Variants in CADM2 observed in about 807,000 individuals in gnomAD.
The protein encoded by CADM2 is cell adhesion molecule 2, also known as immunoglobulin superfamily member 4D.
A neutral mutation model predicts 49.8 loss-of-function variants in CADM2; 12 were observed. That is an observed-to-expected ratio of 0.24 (90% CI 0.15 to 0.39). CADM2 has a LOEUF of 0.39. Among genes scored for constraint, CADM2 ranks in the 10% least tolerant of loss-of-function variants. The pLI is 1.00. For missense variants in CADM2, 378 were observed against 492.3 expected, an observed-to-expected ratio of 0.77 and a Z score of 2.20; for synonymous variants, 214 against 175.4, an observed-to-expected ratio of 1.22 and a Z score of -1.74.
intron 1 of CADM2, among the ~76,000 whole-genome samples, chr3:85,564,101 T>A (rs920361735): frequency 1.3e-5 from 2 of 152,038 alleles, no homozygotes; most frequent in Non-Finnish European, 1.5e-5. Context: ...CTTAGCTTGG[T>A]TCTAAAAATT....
intron 3 of CADM2, among the ~76,000 whole-genome samples, chr3:85,803,500 A>ATAAATAGATAGATAG (rs2072191944): frequency 1.3e-5 from 2 of 149,422 alleles, no homozygotes; most frequent in Admixed American, 6.7e-5. Flanking sequence ...TAGATAGATA[A>ATAAATAGATAGATAG]ATAGATAGAT....
chr3:85,269,003 T>C (rs1441921183), intron 1 of CADM2, among the ~76,000 whole-genome samples: 1 of 151,266 alleles, frequency 6.6e-6, no homozygotes, highest in African/African-American at 2.4e-5. Context: ...ATTTAGAAAA[T>C]AAACAACAGA....
intron 1 of CADM2, among the ~76,000 whole-genome samples, chr3:85,446,812 C>T (rs567159482): frequency 1.1e-4 from 17 of 149,026 alleles, no homozygotes; most frequent in South Asian, 4.2e-4. Context: ...ATGTTGGTCA[C>T]GCTGGTCTCG....
At chr3:85,970,368 T>C (rs901656213) in intron 8 of CADM2, among the ~76,000 whole-genome samples, 9 of 151,174 alleles carry the variant, frequency 6.0e-5, no homozygotes, top group African/African-American at 2.2e-4. Context: ...GTGATAGGAG[T>C]GGATATTAAA....
At chr3:85,827,519 G>A (rs1211535439) in intron 3 of CADM2, among the ~76,000 whole-genome samples, 1 of 151,866 alleles carries the variant, frequency 6.6e-6, no homozygotes, top group Non-Finnish European at 1.5e-5. Flanking sequence ...GTGATTCTCA[G>A]TAAATTAAGC....
intron 1 of CADM2, among the ~76,000 whole-genome samples, chr3:85,562,478 CAAAAAAAAAAAA>C (rs10533481): frequency 1.5e-5 from 1 of 65,502 alleles, no homozygotes; most frequent in East Asian, 4.6e-4. Context: ...AACTCCATCT[CAAAAAAAAAAAA>C]AAAAAAAAAA....
intron 2 of CADM2, among the ~76,000 whole-genome samples, chr3:85,787,624 G>GC (rs1313418919): frequency 1.3e-5 from 2 of 152,022 alleles, no homozygotes; most frequent in Admixed American, 1.3e-4. Context: ...CATATGTTCA[G>GC]CCTGTATTTG....
At chr3:85,332,940 G>C (rs1413336382) in intron 1 of CADM2, among the ~76,000 whole-genome samples, 2 of 151,740 alleles carry the variant, frequency 1.3e-5, no homozygotes, top group African/African-American at 4.8e-5. Context: ...TATTCTCATG[G>C]TCCCACCATA....
chr3:85,732,242 C>T (rs2067965831), intron 2 of CADM2, among the ~76,000 whole-genome samples: 1 of 151,066 alleles, frequency 6.6e-6, no homozygotes, highest in African/African-American at 2.4e-5. Flanking sequence ...GCCTGGGCGA[C>T]AGAGGGAGAC....
intron 1 of CADM2, among the ~76,000 whole-genome samples, chr3:85,205,221 C>T (rs190819292): frequency 4.6e-5 from 7 of 152,126 alleles, no homozygotes; most frequent in Non-Finnish European, 8.8e-5. Flanking sequence ...CAGGGTCTCA[C>T]TATATTTCTC....
intron 1 of CADM2, among the ~76,000 whole-genome samples, chr3:85,663,619 C>A (rs879451531): frequency 6.6e-6 from 1 of 152,024 alleles, no homozygotes; most frequent in Non-Finnish European, 1.5e-5. Context: ...TGTATGGACC[C>A]CACCTTCTGT....
At chr3:85,995,648 ATAT>A (rs1379804881) in intron 8 of CADM2, among the ~76,000 whole-genome samples, 1 of 152,206 alleles carries the variant, frequency 6.6e-6, no homozygotes, top group East Asian at 1.9e-4. Context: ...GAAGCCTAAA[ATAT>A]TATTCTCCTG....
At chr3:85,779,592 T>C (rs2070531383) in intron 2 of CADM2, among the ~76,000 whole-genome samples, 1 of 152,136 alleles carries the variant, frequency 6.6e-6, no homozygotes, top group Non-Finnish European at 1.5e-5. Flanking sequence ...GAGAACTCAC[T>C]ATCATGTGGG....
At chr3:85,899,355 A>G (rs1034043990) in intron 5 of CADM2, among the ~76,000 whole-genome samples, 2 of 152,134 alleles carry the variant, frequency 1.3e-5, no homozygotes, top group African/African-American at 2.4e-5. Context: ...AAAATTATAC[A>G]TATACATTTT....
chr3:85,689,450 A>G (rs2066316174), intron 1 of CADM2, among the ~76,000 whole-genome samples: 1 of 152,246 alleles, frequency 6.6e-6, no homozygotes, highest in Admixed American at 6.5e-5. Context: ...TTTACATTTT[A>G]TATGCAATAT....
intron 1 of CADM2, among the ~76,000 whole-genome samples, chr3:85,505,602 G>T (rs2040314114): frequency 2.0e-5 from 3 of 152,128 alleles, no homozygotes; most frequent in Admixed American, 2.0e-4. Context: ...AGCTCTCCAG[G>T]CAGTTAGGGT....
intron 3 of CADM2, among the ~76,000 whole-genome samples, chr3:85,867,393 A>G (rs1445223409): frequency 6.6e-6 from 1 of 152,008 alleles, no homozygotes; most frequent in Non-Finnish European, 1.5e-5. Context: ...TAATCCTCAT[A>G]AATAAATATA....
chr3:85,794,687 A>G (rs1414831847), intron 2 of CADM2, among the ~76,000 whole-genome samples: 5 of 152,144 alleles, frequency 3.3e-5, no homozygotes, highest in Admixed American at 2.6e-4. Context: ...TTATTTTAAA[A>G]TAAGCTCTCG....
intron 1 of CADM2, among the ~76,000 whole-genome samples, chr3:85,095,129 C>G (rs1287173672): frequency 6.6e-6 from 1 of 152,110 alleles, no homozygotes; most frequent in Non-Finnish European, 1.5e-5. Flanking sequence ...AAGTGGTTTT[C>G]CAAAGTAATT....
Sources: gnomAD v4.1 joint callset for allele counts (sites outside exome capture counted in the v4.1 genomes callset) on GRCh38, gnomAD v4.1.1 for gene constraint, MANE v1.5 for transcripts, NCBI Gene and HGNC (gene_info 2026-07-23, HGNC 2026-07-21) for gene names.